Variants in LRRC49 observed in about 807,000 individuals in gnomAD.
LRRC49 encodes the protein leucine rich repeat containing 49.
In LRRC49, 50 loss-of-function variants were observed where a neutral mutation model predicts 83.3. The ratio of observed to expected loss-of-function variants is 0.60; its 90% confidence interval spans 0.48 to 0.76. LRRC49 has a LOEUF of 0.76. Among genes scored for constraint, LRRC49 ranks in the 30% least tolerant of loss-of-function variants. The pLI is 0.00. For synonymous variants in LRRC49, 286 were observed against 283.3 expected (o/e 1.01, Z -0.10); for missense variants, 704 against 809.1 (o/e 0.87, Z 1.58).
chr15:70,963,352 A>AGGG (rs1203240717), intron 8 of LRRC49, among the ~76,000 whole-genome samples: 1 of 151,750 alleles, frequency 6.6e-6, no homozygotes, highest in African/African-American at 2.4e-5. Context: ...AAATCCTAAT[A>AGGG]GGGGGTCATC....
intron 1 of LRRC49, among the ~76,000 whole-genome samples, chr15:70,855,740 GA>G (rs1236462509): frequency 6.6e-6 from 1 of 152,174 alleles, no homozygotes; most frequent in Non-Finnish European, 1.5e-5. Context: ...GTAAGTAAAG[GA>G]AGAGAGAGAG....
At chr15:70,901,113 C>T (rs931925842) in intron 4 of LRRC49, 89 bp downstream of exon 4, 2 of 708,676 alleles carry the variant, frequency 2.8e-6, no homozygotes, top group Non-Finnish European at 4.7e-6. Flanking sequence ...CTCCCTCCTT[C>T]CTCCTGTTCC....
intron 8 of LRRC49, among the ~76,000 whole-genome samples, chr15:70,950,955 C>T (rs1267009199): frequency 1.3e-5 from 2 of 152,092 alleles, no homozygotes; most frequent in Non-Finnish European, 2.9e-5. Flanking sequence ...AGGAAGGGGT[C>T]TGGTTTCAAT....
upstream of LRRC49, among the ~76,000 whole-genome samples, chr15:70,890,982 G>C (rs1312420941): frequency 6.6e-6 from 1 of 152,096 alleles, no homozygotes; most frequent in Non-Finnish European, 1.5e-5. Context: ...CCATTAAAGG[G>C]TCTTAAATAC....
chr15:70,886,632 C>T (rs2033414485), intron 2 of LRRC49, among the ~76,000 whole-genome samples: 1 of 152,108 alleles, frequency 6.6e-6, no homozygotes, highest in African/African-American at 2.4e-5. Context: ...CTTTGGGAGG[C>T]TAAGGCAGGT....
chr15:70,925,958 C>T (rs1342920259), intron 7 of LRRC49, among the ~76,000 whole-genome samples: 1 of 152,160 alleles, frequency 6.6e-6, no homozygotes, highest in Admixed American at 6.6e-5. Flanking sequence ...TTAGTACCCT[C>T]CCCTGCCCCA....
At chr15:71,046,584 A>G (rs2039861237) in intron 15 of LRRC49, among the ~76,000 whole-genome samples, 1 of 152,150 alleles carries the variant, frequency 6.6e-6, no homozygotes. Flanking sequence ...AGTTCCCTAT[A>G]AATTCTGGAT....
chr15:70,885,746 T>A (rs1219227754), intron 2 of LRRC49, among the ~76,000 whole-genome samples: 1 of 152,202 alleles, frequency 6.6e-6, no homozygotes, highest in Non-Finnish European at 1.5e-5. Flanking sequence ...ATTTGAAGAT[T>A]AATATGTAAA....
At chr15:70,891,743 G>A (rs146241544), upstream of LRRC49, 4 of 1,107,406 alleles carry the variant, frequency 3.6e-6, no homozygotes, top group East Asian at 2.6e-5. Flanking sequence ...TTAGAAAACA[G>A]GAACTTTCGA....
chr15:70,864,094 T>C (rs138177295), intron 1 of LRRC49, among the ~76,000 whole-genome samples: 1 of 151,888 alleles, frequency 6.6e-6, no homozygotes, highest in East Asian at 1.9e-4. Flanking sequence ...AGACACCAGG[T>C]GGTGACTAGC....
chr15:70,891,567 CTGTGTGTGTGTGTG>C (rs3220843), upstream of LRRC49, among the ~76,000 whole-genome samples: 6,266 of 137,078 alleles, frequency 0.046, 246 homozygotes, highest in African/African-American at 0.1. Context: ...GGACAAGACT[CTGTGTGTGTGTGTG>C]TGTGTGTGTG....
chr15:70,952,812 A>G (rs983500123), intron 8 of LRRC49, among the ~76,000 whole-genome samples: 4 of 152,032 alleles, frequency 2.6e-5, no homozygotes, highest in African/African-American at 9.7e-5. Context: ...TGGGTGCTCC[A>G]CTGTTGGGTT....
chr15:70,905,215 T>G (rs1019488690), intron 5 of LRRC49, among the ~76,000 whole-genome samples: 1 of 152,230 alleles, frequency 6.6e-6, no homozygotes, highest in Non-Finnish European at 1.5e-5. Context: ...ATATGAACTT[T>G]CCCAGTTCCT....
intron 7 of LRRC49, 97 bp downstream of exon 7, chr15:70,919,290 C>T (rs1042042699): frequency 4.4e-5 from 48 of 1,097,624 alleles, no homozygotes; most frequent in East Asian, 1.0e-4. Context: ...TAAGAATCTA[C>T]GGTTATTTAG....
intron 5 of LRRC49, among the ~76,000 whole-genome samples, chr15:70,905,572 A>T (rs908244041): frequency 6.6e-6 from 1 of 152,204 alleles, no homozygotes; most frequent in African/African-American, 2.4e-5. Context: ...AAGCATTAAC[A>T]ATTTATTTAA....
At position 70,904,690 on chromosome 15, in the gene LRRC49, G is replaced by T. The variant is rs774604496; in HGVS notation, c.435G>T (p.Gln145His). 1 of 1,613,670 alleles carries T rather than the reference G, an allele frequency of 6.2e-7. No individual in the cohort carries two copies. Among genetic ancestry groups the T allele is most frequent in the South Asian group, 1.1e-5 (1 of 91,048 alleles). ...TATCGTTGGATTTATATGATAACCA[G>T]ATTGAAGAAATTAGTGGGCTTTCGA... ...KLISLDLYDNQIEEISGLSTL... is the reference protein window; with the variant it reads ...KLISLDLYDNHIEEISGLSTL... The change falls in exon 5 of 16, where the codon CAG becomes CAT. Residue 145 changes from glutamine (Q) to histidine (H), a missense_variant. Coordinates refer to ENST00000260382, the MANE Select transcript of LRRC49 (RefSeq NM_017691.5).
intron 11 of LRRC49, among the ~76,000 whole-genome samples, chr15:70,995,667 T>G (rs955727342): frequency 2.6e-5 from 4 of 152,190 alleles, no homozygotes; most frequent in Admixed American, 2.6e-4. Context: ...CAAAACTACC[T>G]CTGATCAGTG....
chr15:71,010,460 A>C (rs1439365150), intron 13 of LRRC49, among the ~76,000 whole-genome samples: 1 of 151,850 alleles, frequency 6.6e-6, no homozygotes, highest in Non-Finnish European at 1.5e-5. Context: ...GAAGAAGATG[A>C]CTTACAAAAA....
intron 15 of LRRC49, among the ~76,000 whole-genome samples, chr15:71,043,351 T>C (rs1170654923): frequency 6.6e-6 from 1 of 152,212 alleles, no homozygotes; most frequent in African/African-American, 2.4e-5. Flanking sequence ...AATGAAATAA[T>C]GTAAACAATA....
Sources: gnomAD v4.1 joint callset for allele counts (sites outside exome capture counted in the v4.1 genomes callset) on GRCh38, gnomAD v4.1.1 for gene constraint, MANE v1.5 for transcripts, NCBI Gene and HGNC (gene_info 2026-07-23, HGNC 2026-07-21) for gene names.